HS3ST5: variants seen among roughly 807,000 people sequenced by gnomAD.
HS3ST5 encodes heparan sulfate glucosamine 3-O-sulfotransferase 5.
HS3ST5 carries 10 observed loss-of-function variants against 25.4 expected under a neutral mutation model. That is an observed-to-expected ratio of 0.39 (90% CI 0.24 to 0.67). The LOEUF is 0.67. HS3ST5 is among the 30% of genes least tolerant of loss of function. The probability of loss-of-function intolerance (pLI) is 0.44; values close to 1 mark genes in which losing one functional copy is unlikely to be tolerated. For missense variants in HS3ST5, 324 were observed against 420.7 expected (o/e 0.77, Z 2.01); for synonymous variants, 170 against 162.4 (o/e 1.05, Z -0.36).
intron 1 of HS3ST5, among the ~76,000 whole-genome samples, chr6:114,245,652 G>T (rs1244163820): frequency 6.6e-6 from 1 of 152,184 alleles, no homozygotes; most frequent in African/African-American, 2.4e-5. Context: ...GCAGTAGACT[G>T]CTGAGAAGCT....
intron 2 of HS3ST5, among the ~76,000 whole-genome samples, chr6:114,181,772 C>T (rs2115025008): frequency 6.6e-6 from 1 of 152,262 alleles, no homozygotes; most frequent in South Asian, 2.1e-4. Context: ...AGGAGTTCTG[C>T]TGCAGCAGTA....
intron 3 of HS3ST5, among the ~76,000 whole-genome samples, chr6:114,111,518 G>T (rs1288209524): frequency 2.0e-5 from 3 of 152,032 alleles, no homozygotes; most frequent in African/African-American, 7.2e-5. Flanking sequence ...TAGGTCTTTT[G>T]GCCTCTGCCT....
intron 1 of HS3ST5, among the ~76,000 whole-genome samples, chr6:114,321,829 C>T (rs1410561213): frequency 1.3e-5 from 2 of 151,924 alleles, no homozygotes; most frequent in Admixed American, 6.6e-5. Flanking sequence ...GTCTATATCC[C>T]GTGATAAAGG....
intron 1 of HS3ST5, among the ~76,000 whole-genome samples, chr6:114,304,781 T>C (rs1053795566): frequency 6.6e-6 from 1 of 152,170 alleles, no homozygotes; most frequent in Non-Finnish European, 1.5e-5. Context: ...GATTGTTTTA[T>C]ATGTTTGAAA....
At chr6:114,123,360 C>T (rs1334700580) in intron 3 of HS3ST5, among the ~76,000 whole-genome samples, 1 of 152,206 alleles carries the variant, frequency 6.6e-6, no homozygotes, top group African/African-American at 2.4e-5. Flanking sequence ...ACTAAGCCAA[C>T]ACTAAATCGC....
At chr6:114,259,323 C>T (rs1411176675) in intron 1 of HS3ST5, among the ~76,000 whole-genome samples, 2 of 152,186 alleles carry the variant, frequency 1.3e-5, no homozygotes, top group African/African-American at 4.8e-5. Flanking sequence ...CCAACAATCT[C>T]TTCCTCTATA....
chr6:114,079,792 C>T lies in HS3ST5; in HGVS notation c.-32-16915G>A, dbSNP rs569333915. ...TTTTCTTTTCTTTTCTTTTTTGAGACGGAGTTTTGGCTCTTGTTGCCCAGG... is the reference window on the plus strand; with the variant it reads ...TTTTCTTTTCTTTTCTTTTTTGAGATGGAGTTTTGGCTCTTGTTGCCCAGG... On this transcript the variant is annotated intron_variant, in intron 3 of 4. Transcript: ENST00000312719. Among the ~76,000 whole-genome samples the T allele has an allele frequency of 1.3e-4, 20 of 152,080 alleles. No individual in the cohort carries two copies. The East Asian group carries it at 2.9e-3, about 22-fold the overall frequency.
chr6:114,130,573 T>C (rs1777276916), intron 3 of HS3ST5, among the ~76,000 whole-genome samples: 1 of 151,262 alleles, frequency 6.6e-6, no homozygotes, highest in Admixed American at 6.6e-5. Flanking sequence ...GTTGTTACAA[T>C]TTTTTTTTCT....
intron 2 of HS3ST5, among the ~76,000 whole-genome samples, chr6:114,172,291 T>C (rs2115005773): frequency 1.3e-5 from 2 of 152,344 alleles, no homozygotes; most frequent in Middle Eastern, 6.8e-3. Flanking sequence ...ATGAACGATA[T>C]CCCCGCTCAA....
intron 1 of HS3ST5, among the ~76,000 whole-genome samples, chr6:114,253,454 ATCTTAAGAAT>A (rs1199497795): frequency 2.6e-5 from 4 of 152,250 alleles, no homozygotes; most frequent in African/African-American, 9.6e-5. Flanking sequence ...GGTAGGGAGA[ATCTTAAGAAT>A]GCAAATACTA....
chr6:114,090,928 G>T (rs923097930), intron 3 of HS3ST5, among the ~76,000 whole-genome samples: 1 of 152,162 alleles, frequency 6.6e-6, no homozygotes, highest in African/African-American at 2.4e-5. Flanking sequence ...GTGTTCACAT[G>T]TCTAGCTATT....
intron 1 of HS3ST5, among the ~76,000 whole-genome samples, chr6:114,233,152 A>G (rs571564751): frequency 1.3e-5 from 2 of 152,132 alleles, no homozygotes; most frequent in East Asian, 3.9e-4. Flanking sequence ...ATGAATGAAC[A>G]ATTACTTTGC....
At chr6:114,061,632 C>G (rs1258302657) in intron 4 of HS3ST5, among the ~76,000 whole-genome samples, 1 of 152,190 alleles carries the variant, frequency 6.6e-6, no homozygotes, top group East Asian at 1.9e-4. Context: ...GAACACACTT[C>G]AGTCTTTCCA....
At chr6:114,119,647 G>C (rs1776687733) in intron 3 of HS3ST5, among the ~76,000 whole-genome samples, 1 of 152,098 alleles carries the variant, frequency 6.6e-6, no homozygotes, top group South Asian at 2.1e-4. Flanking sequence ...TTTTAAAAGG[G>C]TTTGGAACTC....
chr6:114,184,054 C>CTTTTTTTTTTTT (rs34370810), intron 2 of HS3ST5, among the ~76,000 whole-genome samples: 9 of 78,736 alleles, frequency 1.1e-4, no homozygotes, highest in Admixed American at 1.9e-4. Flanking sequence ...TTTTTCCTTT[C>CTTTTTTTTTTTT]TTTTTTTTTT....
At chr6:114,075,097 A>C (rs1774038519) in intron 3 of HS3ST5, among the ~76,000 whole-genome samples, 1 of 152,224 alleles carries the variant, frequency 6.6e-6, no homozygotes, top group South Asian at 2.1e-4. Flanking sequence ...TGCAGGAAAT[A>C]ATATGGACAA....
chr6:114,341,171 GGAGGGAGAGGGAGAGGGA>G (rs569145025), intron 1 of HS3ST5, among the ~76,000 whole-genome samples: 2 of 82,632 alleles, frequency 2.4e-5, no homozygotes, highest in Admixed American at 1.3e-4. Flanking sequence ...GGGGAGGGAG[GGAGGGAGAGGGAGAGGGA>G]GAGGGAGAGG....
intron 2 of HS3ST5, among the ~76,000 whole-genome samples, chr6:114,183,218 T>C (rs1322600126): frequency 6.6e-6 from 1 of 152,150 alleles, no homozygotes; most frequent in Non-Finnish European, 1.5e-5. Flanking sequence ...TCTCTCGAGT[T>C]GTGAAAGGGA....
chr6:114,328,493 AAAAAAG>A (rs958023290), intron 1 of HS3ST5, among the ~76,000 whole-genome samples: 15 of 152,254 alleles, frequency 9.9e-5, no homozygotes, highest in South Asian at 2.1e-4. Flanking sequence ...TGTTTTCCTA[AAAAAAG>A]AAAAAGAAAA....
Sources: gnomAD v4.1 joint callset for allele counts (sites outside exome capture counted in the v4.1 genomes callset) on GRCh38, gnomAD v4.1.1 for gene constraint, MANE v1.5 for transcripts, NCBI Gene and HGNC (gene_info 2026-07-23, HGNC 2026-07-21) for gene names.